LAMB3: variants seen among roughly 807,000 people sequenced by gnomAD.
The protein encoded by LAMB3 is laminin subunit beta 3, also known as laminin subunit beta-3.
In LAMB3, 104 loss-of-function variants were observed where a neutral mutation model predicts 140.3. The observed-to-expected ratio is 0.74, with a 90% confidence interval of 0.63 to 0.87. The LOEUF (loss-of-function observed/expected upper bound fraction) is 0.87, where lower values mean the gene tolerates loss of function less well. Ranked by LOEUF, LAMB3 falls within the 40% of genes least tolerant of loss-of-function variation. The pLI, the probability that LAMB3 is intolerant of heterozygous loss-of-function variation, is 0.00. For synonymous variants in LAMB3, 592 were observed against 602.9 expected (o/e 0.98, Z 0.26); for missense variants, 1,531 against 1,575.2 (o/e 0.97, Z 0.47).
rs757348998 is a variant in LAMB3, at chr1:209,617,420, C to T, written c.3218G>A (p.Ser1073Asn). 1.5e-5 allele frequency: 24 copies of T among 1,612,508 alleles called. No individual in the cohort carries two copies. In the African/African-American group the frequency reaches 2.8e-4, roughly 19 times the overall value. Residue 1073 changes from serine to asparagine, a missense_variant, in exon 21 of 23, where the codon AGT becomes AAT. Physicochemically the swap from Ser to Asn is conservative, Grantham distance 46. Coordinates refer to ENST00000356082, the MANE Select transcript of LAMB3 (RefSeq NM_000228.3). ...LAEGASEQAL[S>N]AQEGFERIKQ... ...CCGCCTTCTCTGTACCTCTTGGGCA[C>T]TCAATGCCTGCTCGCTGGCACCTTC...
rs1666364165 is a variant in LAMB3 at position 209,624,892 on chromosome 1, A to AAGGAAGGG, written c.1976+755_1976+756insCCCTTCCT. 3.0e-5 allele frequency among the ~76,000 whole-genome samples: 4 copies of AAGGAAGGG among 133,516 alleles called. No individual in the cohort carries two copies. The South Asian group carries it at 1.1e-3, about 35-fold the overall frequency. The allele number at this position is 133,516 out of a possible 152,430, so 87.6% of individuals were successfully genotyped here. On this transcript the variant is annotated intron_variant, in intron 14 of 22. Coordinates refer to ENST00000356082, the MANE Select transcript of LAMB3 (RefSeq NM_000228.3). ...AAAGAAAGAGAGAGAGGAAGGAAGG[A>AAGGAAGGG]AGGAAGGAAGGAAGGAAGGAAGGAA... is the stretch of plus-strand genomic sequence containing the variant.
chr1:209,642,264 T>A (rs1427340013), intron 3 of LAMB3, among the ~76,000 whole-genome samples: 1 of 152,170 alleles, frequency 6.6e-6, no homozygotes, highest in Admixed American at 6.6e-5. Context: ...TATATATATA[T>A]GTATATATTT....
At chr1:209,622,484 G>C (rs116558839) in intron 18 of LAMB3, 52 bp downstream of exon 18, 2 of 1,607,232 alleles carry the variant, frequency 1.2e-6, no homozygotes, top group Admixed American at 1.7e-5. Context: ...ATGGGAATGC[G>C]GGACAGGCAG....
rs773453714 is a variant in LAMB3 at position 209,626,997 on chromosome 1, G to A, written c.1486-19C>T. On this transcript the variant is annotated intron_variant, in intron 12 of 22. Coordinates refer to ENST00000356082, the MANE Select transcript of LAMB3 (RefSeq NM_000228.3). Reference sequence around the variant, plus strand: ...CTGTGAACTGCGTGGGGAGAGCACCGTCAGTGGACCCTGCCTCACAGCCTC... The same window carrying A: ...CTGTGAACTGCGTGGGGAGAGCACCATCAGTGGACCCTGCCTCACAGCCTC... 22 of 1,540,466 alleles carry A rather than the reference G, an allele frequency of 1.4e-5. No homozygotes were observed. Among genetic ancestry groups the A allele is most frequent in the South Asian group, 1.1e-4 (10 of 88,484 alleles).
At chr1:209,624,734 A>T (rs1666352741) in intron 14 of LAMB3, among the ~76,000 whole-genome samples, 1 of 152,174 alleles carries the variant, frequency 6.6e-6, no homozygotes, top group Non-Finnish European at 1.5e-5. Flanking sequence ...GTCACATTAT[A>T]GTTTACCATT....
In LAMB3 at chr1:209,623,418, G is replaced by T. The variant is rs1252217190; in HGVS notation, c.2358+87C>A. The stretch of plus-strand genomic sequence containing the variant: ...GTGGGGTTCTCACAGGGGCAGATCT[G>T]CCCTAATAGGAAGCAGGTGGCAGCA... On this transcript the variant is annotated intron_variant, in intron 16 of 22. Coordinates refer to ENST00000356082, the MANE Select transcript of LAMB3 (RefSeq NM_000228.3). The surrounding 1 kb of genome is among the most constrained non-coding windows in gnomAD (Gnocchi z 4.2). The T allele has an allele frequency of 6.0e-6, 8 of 1,332,274 alleles. No homozygotes were observed. The highest frequency in any genetic ancestry group is 8.6e-6 in the Non-Finnish European group (8 of 925,180). The allele number at this position is 1,332,274 out of a possible 1,614,324, so 82.5% of individuals were successfully genotyped here. A position where few individuals can be genotyped will look rare whatever the true frequency, so the allele number is the denominator to read the frequency against.
Position 209,618,616 on chromosome 1 carries a change from G to T in LAMB3, c.2745C>A (p.Ala915=). 2 of 1,614,216 alleles carry T rather than the reference G, an allele frequency of 1.2e-6. No homozygotes were observed. The highest frequency in any genetic ancestry group is 1.7e-6 in the Non-Finnish European group (2 of 1,180,036). ...DAATIQEVSE[A]VLALWLPTDS... ...CTGTGGGCAGCCACAGGGCCAGCAC[G>T]GCCTCGCTGACCTCCTGGATAGTGG... The change falls in exon 19 of 23, where the codon GCC becomes GCA. Residue 915 remains alanine, a synonymous_variant. Coordinates refer to ENST00000356082, the MANE Select transcript of LAMB3 (RefSeq NM_000228.3).
rs199946321 is a variant in LAMB3, at chr1:209,622,605, G to T, written c.2632C>A (p.Arg878Ser). Residue 878 changes from arginine (R) to serine (S), a missense_variant, in exon 18 of 23, where the codon CGC becomes AGC. Transcript: ENST00000356082. ...QRLETQVSAS[R>S]SQMEEDVRRT... Reference sequence around the variant, plus strand: ...CTGACATCTTCCTCCATCTGGGAGCGGCTGGCGCTCACCTGGGTCTCCAAG... The same window carrying T: ...CTGACATCTTCCTCCATCTGGGAGCTGCTGGCGCTCACCTGGGTCTCCAAG... 2 of 1,614,140 alleles carry T rather than the reference G, an allele frequency of 1.2e-6. No individual in the cohort carries two copies. Among genetic ancestry groups the T allele is most frequent in the Admixed American group, 1.7e-5 (1 of 60,012 alleles).
intron 3 of LAMB3, 124 bp downstream of exon 3, chr1:209,649,840 C>T: frequency 9.1e-7 from 1 of 1,098,344 alleles, no homozygotes; most frequent in East Asian, 2.5e-5. Context: ...TACTGCACTC[C>T]CCAGTCCGTG....
In LAMB3 at chr1:209,622,538, G is replaced by C; in HGVS notation, c.2699C>G (p.Thr900Arg). The change falls in exon 18 of 23, where the codon ACA (threonine) becomes AGA (arginine). Residue 900 changes from threonine (T) to arginine (R), a missense_variant and splice_region_variant. Thr to Arg is a moderately conservative substitution (Grantham distance 71). Coordinates refer to ENST00000356082, the MANE Select transcript of LAMB3 (RefSeq NM_000228.3). ...LLIQQVRDFL[T>R]DPDTDAATIQ... ...GGTGGGGTGGAGACTGGGCTCACCT[G>C]TTAGGAAGTCCCGGACCTGCTGGAT... 1 of 1,613,812 alleles carries C rather than the reference G, an allele frequency of 6.2e-7. No individual in the cohort carries two copies. The highest frequency in any genetic ancestry group is 1.3e-5 in the African/African-American group (1 of 75,036).
chr1:209,630,209 A>G (rs1220334013), intron 9 of LAMB3, among the ~76,000 whole-genome samples: 1 of 152,196 alleles, frequency 6.6e-6, no homozygotes, highest in Non-Finnish European at 1.5e-5. Flanking sequence ...TGAATGCTCT[A>G]TCCCCAACCC....
intron 10 of LAMB3, among the ~76,000 whole-genome samples, chr1:209,628,629 G>A (rs1167870155): frequency 6.7e-6 from 1 of 149,654 alleles, no homozygotes; most frequent in African/African-American, 2.5e-5. Flanking sequence ...CTGGGAGGCG[G>A]AGGTTGCAGT....
chr1:209,622,443 T>A, intron 18 of LAMB3, 93 bp downstream of exon 18: 2 of 1,471,910 alleles, frequency 1.4e-6, no homozygotes, highest in East Asian at 2.3e-5. Context: ...GGCCTGGGAC[T>A]AGGGAGGGAG....
chr1:209,628,175 G>A lies in LAMB3; in HGVS notation c.1148C>T (p.Pro383Leu), dbSNP rs759403991. The A allele has an allele frequency of 5.1e-6, 8 of 1,561,324 alleles. No homozygotes were observed. Among genetic ancestry groups the A allele is most frequent in the African/African-American group, 1.4e-5 (1 of 73,616 alleles). Residue 383 changes from proline (P) to leucine (L), a missense_variant, in exon 11 of 23, where the codon CCG (proline) becomes CTG (leucine). By Grantham distance (98) the Pro-to-Leu change is moderately conservative. Coordinates refer to ENST00000356082, the MANE Select transcript of LAMB3 (RefSeq NM_000228.3). ...QETCISCECD[P>L]DGAVPGAPCD... ...GGGAGCCCCTGGCACTGCCCCATCC[G>A]GATCACACTCGCAGGCTGAGAGACA...
intron 18 of LAMB3, among the ~76,000 whole-genome samples, chr1:209,621,730 G>C (rs1238495226): frequency 6.6e-6 from 1 of 152,144 alleles, no homozygotes; most frequent in Non-Finnish European, 1.5e-5. Flanking sequence ...GAGTCTCCCG[G>C]GTCCTGTTTA....
At position 209,625,847 on chromosome 1, in the gene LAMB3, G is replaced by A. The variant is rs146647886; in HGVS notation, c.1777C>T (p.Arg593Trp). ...CTACCAAAGCGCAGGGCCTGCTCCC[G>A]GAGGTCCGCATCATAGGTCTGGAAG... Reference protein sequence around the residue: ...PCFQTYDADLREQALRFGRLR... With the variant: ...PCFQTYDADLWEQALRFGRLR... Residue 593 changes from arginine (R) to tryptophan (W), a missense_variant, in exon 14 of 23, where the codon CGG (arginine) becomes TGG (tryptophan). Arg to Trp is a moderately radical substitution (Grantham distance 101). Coordinates refer to ENST00000356082, the MANE Select transcript of LAMB3 (RefSeq NM_000228.3). 96 of 1,613,950 alleles carry A rather than the reference G, an allele frequency of 5.9e-5. No individual in the cohort carries two copies. The highest frequency in any genetic ancestry group is 4.9e-4 in the Middle Eastern group (3 of 6,084).
At chr1:209,640,567 A>C (rs1489948651) in intron 3 of LAMB3, among the ~76,000 whole-genome samples, 1 of 151,752 alleles carries the variant, frequency 6.6e-6, no homozygotes, top group Admixed American at 6.6e-5. Flanking sequence ...AAAGTAATAA[A>C]ATAAAATAAA....
intron 11 of LAMB3, 101 bp from the exon 12 acceptor site, chr1:209,627,680 G>T: frequency 9.1e-7 from 1 of 1,102,158 alleles, no homozygotes; most frequent in Non-Finnish European, 1.3e-6. Context: ...AAAAGAACTG[G>T]GCAGGGCCCT....
rs1440513815 is a variant in LAMB3, at chr1:209,622,951, C to G, written c.2556+31G>C. The G allele has an allele frequency of 2.5e-6, 4 of 1,609,872 alleles. No individual in the cohort carries two copies. The South Asian group carries it at 3.3e-5, about 13-fold the overall frequency. On this transcript the variant is annotated intron_variant, in intron 17 of 22. Coordinates refer to ENST00000356082, the MANE Select transcript of LAMB3 (RefSeq NM_000228.3). Reference sequence around the variant, plus strand: ...GATCTATCCTGTCTGCCTCCTCCTACCTGTGCCCACCCCGCCTCGGCTGCA... The same window carrying G: ...GATCTATCCTGTCTGCCTCCTCCTAGCTGTGCCCACCCCGCCTCGGCTGCA...
Sources: gnomAD v4.1 joint callset for allele counts (sites outside exome capture counted in the v4.1 genomes callset) on GRCh38, gnomAD v4.1.1 for gene constraint, Gnocchi (gnomAD v3.1) non-coding constraint, MANE v1.5 for transcripts, NCBI Gene and HGNC (gene_info 2026-07-23, HGNC 2026-07-21) for gene names.